The following DYNC1I1 variants were observed in gnomAD, a reference collection of about 807,000 sequenced individuals.
The protein encoded by DYNC1I1 is dynein cytoplasmic 1 intermediate chain 1.
A neutral mutation model predicts 86.6 loss-of-function variants in DYNC1I1; 43 were observed. The observed-to-expected ratio is 0.50, with a 90% CI of 0.39 to 0.64. DYNC1I1 has a LOEUF of 0.64. DYNC1I1 is among the 30% of genes least tolerant of loss of function. DYNC1I1 has a pLI of 0.00. For synonymous variants in DYNC1I1, 262 were observed against 283.7 expected (o/e 0.92, Z 0.77); for missense variants, 604 against 788.8 (o/e 0.77, Z 2.81).
intron 5 of DYNC1I1, among the ~76,000 whole-genome samples, chr7:95,828,324 CCTT>C (rs1339289612): frequency 6.6e-6 from 1 of 152,058 alleles, no homozygotes; most frequent in Admixed American, 6.6e-5. Flanking sequence ...TTTGATTTCT[CCTT>C]ATTAATTCCT....
chr7:95,950,134 G>A (rs867682534), intron 6 of DYNC1I1, among the ~76,000 whole-genome samples: 7 of 152,274 alleles, frequency 4.6e-5, no homozygotes, highest in Middle Eastern at 6.9e-3. Context: ...CTTATAGAAA[G>A]AAGTGTCCCA....
chr7:96,025,798 T>G (rs1230012050), intron 10 of DYNC1I1, among the ~76,000 whole-genome samples: 3 of 150,102 alleles, frequency 2.0e-5, no homozygotes, highest in Non-Finnish European at 4.4e-5. Flanking sequence ...CCTCCACTGC[T>G]GGTTTTCCTC....
intron 6 of DYNC1I1, among the ~76,000 whole-genome samples, chr7:95,970,415 A>AAAT (rs1187226590): frequency 9.9e-5 from 15 of 152,248 alleles, no homozygotes; most frequent in Middle Eastern, 6.8e-3. Flanking sequence ...GGGTAGATTG[A>AAAT]CAGCAGTGAT....
intron 1 of DYNC1I1, among the ~76,000 whole-genome samples, chr7:95,794,150 T>C (rs529456022): frequency 9.2e-5 from 14 of 152,308 alleles, no homozygotes; most frequent in African/African-American, 3.4e-4. Flanking sequence ...CCTTACTTCT[T>C]TCTTCATGTA....
chr7:95,859,022 AT>A (rs1384188944), intron 5 of DYNC1I1, among the ~76,000 whole-genome samples: 1 of 147,606 alleles, frequency 6.8e-6, no homozygotes, highest in East Asian at 2.0e-4. Flanking sequence ...TATTTATTAT[AT>A]TTCCCCTTAT....
chr7:96,030,128 G>A (rs1418864101), intron 11 of DYNC1I1, among the ~76,000 whole-genome samples: 1 of 151,770 alleles, frequency 6.6e-6, no homozygotes, highest in Non-Finnish European at 1.5e-5. Context: ...GGATCAAAAA[G>A]GAAAAAGAGG....
intron 10 of DYNC1I1, among the ~76,000 whole-genome samples, chr7:96,001,084 A>T (rs1794000091): frequency 6.6e-6 from 1 of 152,194 alleles, no homozygotes; most frequent in South Asian, 2.1e-4. Context: ...ATGTGCACAC[A>T]TGTTGTCAAC....
chr7:95,849,516 T>C (rs1333594320), intron 5 of DYNC1I1, among the ~76,000 whole-genome samples: 1 of 152,154 alleles, frequency 6.6e-6, no homozygotes. Context: ...ATAAAAAAAA[T>C]TGGTTGGCTG....
intron 1 of DYNC1I1, among the ~76,000 whole-genome samples, chr7:95,777,226 C>G (rs1035447703): frequency 6.6e-6 from 1 of 152,152 alleles, no homozygotes; most frequent in African/African-American, 2.4e-5. Flanking sequence ...GAAAAGCAAG[C>G]CCTGCTTTAA....
intron 6 of DYNC1I1, among the ~76,000 whole-genome samples, chr7:95,977,272 A>T (rs1325266298): frequency 6.6e-6 from 1 of 152,170 alleles, no homozygotes; most frequent in South Asian, 2.1e-4. Context: ...CTGGATGTAC[A>T]GGTGCCCATT....
intron 6 of DYNC1I1, among the ~76,000 whole-genome samples, chr7:95,966,860 A>G (rs1793027633): frequency 6.6e-6 from 1 of 152,208 alleles, no homozygotes; most frequent in African/African-American, 2.4e-5. Context: ...AGGACCGTGA[A>G]CCTCATAGTG....
chr7:95,960,506 T>C (rs1792838526), intron 6 of DYNC1I1, among the ~76,000 whole-genome samples: 1 of 152,190 alleles, frequency 6.6e-6, no homozygotes, highest in Non-Finnish European at 1.5e-5. Context: ...AGGAAGGCAA[T>C]GGCCAGAAAG....
intron 16 of DYNC1I1, among the ~76,000 whole-genome samples, chr7:96,084,790 C>T (rs1464551266): frequency 1.3e-5 from 2 of 152,104 alleles, no homozygotes; most frequent in African/African-American, 2.4e-5. Flanking sequence ...ACATTATAAA[C>T]GTCAAGGTAC....
intron 10 of DYNC1I1, among the ~76,000 whole-genome samples, chr7:96,018,943 G>A (rs1444893910): frequency 6.6e-6 from 1 of 152,138 alleles, no homozygotes; most frequent in Non-Finnish European, 1.5e-5. Context: ...TCCATGATAT[G>A]AAGCACCTAG....
chr7:95,908,092 T>C (rs941965434), intron 6 of DYNC1I1, among the ~76,000 whole-genome samples: 1 of 152,182 alleles, frequency 6.6e-6, no homozygotes, highest in Admixed American at 6.5e-5. Flanking sequence ...GTCATGGGTA[T>C]CTTATTTAAG....
intron 14 of DYNC1I1, among the ~76,000 whole-genome samples, chr7:96,050,299 C>G (rs1789364768): frequency 1.3e-5 from 2 of 152,040 alleles, no homozygotes; most frequent in African/African-American, 4.8e-5. Context: ...CTTTGCATAG[C>G]TAAATGATTG....
downstream of DYNC1I1, among the ~76,000 whole-genome samples, chr7:96,099,863 G>T (rs1436094188): frequency 3.3e-5 from 5 of 152,092 alleles, no homozygotes; most frequent in Non-Finnish European, 7.4e-5. Flanking sequence ...AGGTTTCTTG[G>T]CACAATCAAT....
chr7:95,862,956 A>T lies in DYNC1I1; in HGVS notation c.375-6927A>T, dbSNP rs181256995. Reference sequence around the variant, plus strand: ...ACATAAATTGTTATACTGTATTTTTAAAAATTTTTATTTTTAAAAATTGTG... The same window carrying T: ...ACATAAATTGTTATACTGTATTTTTTAAAATTTTTATTTTTAAAAATTGTG... On this transcript the variant is annotated intron_variant, in intron 5 of 16. Coordinates refer to ENST00000447467, the MANE Select transcript of DYNC1I1 (RefSeq NM_001135556.2). Among the ~76,000 whole-genome samples, 127 of 152,328 alleles carry T rather than the reference A, an allele frequency of 8.3e-4. 2 individuals carry two copies. In the East Asian group the frequency reaches 0.018, roughly 22 times the overall value.
chr7:95,788,431 C>T (rs1794204609), intron 1 of DYNC1I1, among the ~76,000 whole-genome samples: 1 of 152,104 alleles, frequency 6.6e-6, no homozygotes, highest in South Asian at 2.1e-4. Flanking sequence ...GAAGCAGTTG[C>T]CTTTGAAGTG....
Sources: gnomAD v4.1 joint callset for allele counts (sites outside exome capture counted in the v4.1 genomes callset) on GRCh38, gnomAD v4.1.1 for gene constraint, MANE v1.5 for transcripts, NCBI Gene and HGNC (gene_info 2026-07-23, HGNC 2026-07-21) for gene names.